TSFM: variants seen among roughly 807,000 people sequenced by gnomAD.
TSFM encodes Ts translation elongation factor, mitochondrial.
In TSFM, 29 loss-of-function variants were observed where a neutral mutation model predicts 33.4. The ratio of observed to expected loss-of-function variants is 0.87; its 90% CI spans 0.65 to 1.18. TSFM has a LOEUF of 1.18. Ranked by LOEUF, TSFM falls within the 50% of genes most tolerant of loss-of-function variation. The pLI, the probability that TSFM is intolerant of heterozygous loss-of-function variation, is 0.00. For synonymous variants in TSFM, 178 were observed against 163.5 expected, an observed-to-expected ratio of 1.09 and a Z score of -0.68; for missense variants, 394 against 395.6, an observed-to-expected ratio of 1.00 and a Z score of 0.04.
chr12:57,798,410 T>C (rs1381950950), downstream of TSFM, among the ~76,000 whole-genome samples: 2 of 152,208 alleles, frequency 1.3e-5, no homozygotes, highest in South Asian at 2.1e-4. Flanking sequence ...GTGGATCTTA[T>C]TGAGCATAAA....
chr12:57,794,753 A>C (rs1045308257), intron 5 of TSFM, among the ~76,000 whole-genome samples: 4 of 152,094 alleles, frequency 2.6e-5, no homozygotes, highest in African/African-American at 9.7e-5. Flanking sequence ...ACTATAGTTA[A>C]TGCTTTATTT....
chr12:57,783,037 T>C, intron 1 of TSFM, 73 bp from the exon 2 acceptor site: 1 of 1,544,624 alleles, frequency 6.5e-7, no homozygotes, highest in South Asian at 1.2e-5. Flanking sequence ...TAAGGTCGCT[T>C]CCCTGCCCGT....
intron 4 of TSFM, among the ~76,000 whole-genome samples, chr12:57,787,518 A>C (rs965252088): frequency 1.3e-5 from 2 of 152,190 alleles, no homozygotes; most frequent in Non-Finnish European, 2.9e-5. Flanking sequence ...TTGTCAGATG[A>C]ATGAATGAAT....
At chr12:57,800,709 G>A (rs149574165), downstream of TSFM, 93 of 155,212 alleles carry the variant, frequency 6.0e-4, 2 homozygotes, top group East Asian at 0.017. Context: ...CTGGGTTCAA[G>A]CAGTTCTCCT....
At chr12:57,795,608 T>C (rs1388431689) in intron 5 of TSFM, among the ~76,000 whole-genome samples, 4 of 152,028 alleles carry the variant, frequency 2.6e-5, no homozygotes, top group Admixed American at 1.3e-4. Flanking sequence ...ATACAACCTA[T>C]GTTTGTTGTT....
chr12:57,796,207 G>C lies in TSFM; in HGVS notation c.602G>C (p.Arg201Pro). The change falls in exon 6 of 6, where the codon CGA becomes CCA. Residue 201 changes from arginine (R) to proline (P), a missense_variant. Physicochemically the swap from Arg to Pro is moderately radical, Grantham distance 103. Transcript: ENST00000652027. ...GKLGENMILK[R>P]AAWVKVPSGF... is the part of the protein sequence containing the mutation. ...CTGGGAGAAAACATGATTCTTAAAC[G>C]AGCTGCATGGGTGAAGGTGCCATCT... 1.9e-6 allele frequency: 3 copies of C among 1,587,318 alleles called. No homozygotes were observed. Among genetic ancestry groups the C allele is most frequent in the Non-Finnish European group, 2.6e-6 (3 of 1,165,750 alleles).
At chr12:57,802,585 A>G (rs961375547), downstream of TSFM, 2 of 711,342 alleles carry the variant, frequency 2.8e-6, no homozygotes, top group Non-Finnish European at 5.1e-6. Flanking sequence ...GCTGTCTCTG[A>G]ACTTCAGCTT....
chr12:57,783,075 C>A, intron 1 of TSFM, 35 bp from the exon 2 acceptor site: 1 of 1,585,354 alleles, frequency 6.3e-7, no homozygotes, highest in Non-Finnish European at 8.6e-7. Context: ...GAGTTTGCTG[C>A]TTCCTGCTCC....
rs756167082 is a variant in TSFM, at chr12:57,783,246, A to G, written c.194A>G (p.Lys65Arg). 40 of 1,613,890 alleles carry G rather than the reference A, an allele frequency of 2.5e-5. No homozygotes were observed. In the Middle Eastern group the frequency reaches 9.9e-4, roughly 40 times the overall value. ...RKTGYSFVNC[K>R]KALETCGGDL... is the part of the protein sequence containing the mutation. ...ACAGGCTACTCCTTTGTAAATTGCA[A>G]GAAAGCTCTGGAGACTTGTGGCGGG... The change falls in exon 2 of 6, where the codon AAG becomes AGG. Residue 65 changes from lysine (K) to arginine (R), a missense_variant. Physicochemically the swap from Lys to Arg is conservative, Grantham distance 26 (BLOSUM62 2). Coordinates refer to ENST00000652027, the MANE Select transcript of TSFM (RefSeq NM_005726.6).
At position 57,782,853 on chromosome 12, in the gene TSFM, T is replaced by TATCCATTGGTCTTAGGC. The variant is rs1473046355; in HGVS notation, c.53_54insTCCATTGGTCTTAGGCA (p.Ala20LeufsTer38). The TATCCATTGGTCTTAGGC allele has an allele frequency of 6.3e-7, 1 of 1,593,788 alleles. No homozygotes were observed. Among genetic ancestry groups the TATCCATTGGTCTTAGGC allele is most frequent in the South Asian group, 1.1e-5 (1 of 87,744 alleles). ...GTTTCTGGTCGCGCGGACCGGGAGC[T>TATCCATTGGTCTTAGGC]ACCCGGTGAGAAGTCCTGGTGCTGG... On this transcript the variant is annotated frameshift_variant, in exon 1 of 6. Coordinates refer to ENST00000652027, the MANE Select transcript of TSFM (RefSeq NM_005726.6). LOFTEE classifies it high-confidence loss of function.
At chr12:57,802,068 T>G, downstream of TSFM, 1 of 1,417,586 alleles carries the variant, frequency 7.1e-7, no homozygotes, top group Non-Finnish European at 9.7e-7. Context: ...CTGGTTTCAC[T>G]GAGCCGTGAA....
At chr12:57,786,090 G>C in intron 2 of TSFM, 73 bp from the exon 3 acceptor site, 1 of 1,447,454 alleles carries the variant, frequency 6.9e-7, no homozygotes. Flanking sequence ...GGAAACCTGA[G>C]TATATCTTAG....
At chr12:57,786,747 GTGA>G (rs1308113864) in intron 3 of TSFM, among the ~76,000 whole-genome samples, 1 of 152,232 alleles carries the variant, frequency 6.6e-6, no homozygotes, top group Non-Finnish European at 1.5e-5. Context: ...GGAGAATGAG[GTGA>G]TGATGGTGTG....
Position 57,786,156 on chromosome 12 carries a change from T to A in TSFM, c.232-7T>A, listed in dbSNP as rs776412438. The stretch of plus-strand genomic sequence containing the variant: ...TGTTGTCTGCTCTTTTTCCTCTCAA[T>A]TTACAGGCAGAGATCTGGCTCCACA... On this transcript the variant is annotated splice_region_variant and splice_polypyrimidine_tract_variant and intron_variant, in intron 2 of 5. Coordinates refer to ENST00000652027, the MANE Select transcript of TSFM (RefSeq NM_005726.6). 2 of 1,599,724 alleles carry A rather than the reference T, an allele frequency of 1.3e-6. No individual in the cohort carries two copies. Among genetic ancestry groups the A allele is most frequent in the South Asian group, 2.3e-5 (2 of 88,792 alleles).
chr12:57,796,729 G>A lies in TSFM; in HGVS notation c.*146G>A, dbSNP rs1955746086. ...GTATAATAAAAATAATTTTTTCCTT[G>A]TTTGCGTAATACTGGATTTAGCTTT... On this transcript the variant is annotated 3_prime_UTR_variant, in exon 6 of 6. Coordinates refer to ENST00000652027, the MANE Select transcript of TSFM (RefSeq NM_005726.6). The A allele has an allele frequency of 1.6e-6, 2 of 1,237,692 alleles. No homozygotes were observed. The highest frequency in any genetic ancestry group is 2.0e-6 in the Non-Finnish European group (2 of 990,774). 76.7% of individuals were successfully genotyped at this position (1,237,692 alleles called of 1,614,324 possible).
downstream of TSFM, chr12:57,799,841 T>C: frequency 6.2e-7 from 1 of 1,614,102 alleles, no homozygotes; most frequent in Admixed American, 1.7e-5. Context: ...CTGATTCTGG[T>C]TTTTCAACAG....
At chr12:57,799,644 C>A, downstream of TSFM, 1 of 1,006,470 alleles carries the variant, frequency 9.9e-7, no homozygotes, top group Non-Finnish European at 1.5e-6. Flanking sequence ...AAGAAAGAAC[C>A]CTGGTTTTTT....
downstream of TSFM, chr12:57,802,055 G>A (rs940083337): frequency 6.8e-5 from 89 of 1,315,530 alleles, 1 homozygote; most frequent in Admixed American, 1.9e-3. Flanking sequence ...GGGAAATGAG[G>A]TCCTGGTTTC....
chr12:57,802,507 A>G (rs1223322323), downstream of TSFM: 3 of 869,088 alleles, frequency 3.5e-6, no homozygotes, highest in South Asian at 4.3e-5. Context: ...AGGTTTTCCC[A>G]GAATCAGCTT....
Sources: gnomAD v4.1 joint callset for allele counts (sites outside exome capture counted in the v4.1 genomes callset) on GRCh38, gnomAD v4.1.1 for gene constraint, MANE v1.5 for transcripts, NCBI Gene and HGNC (gene_info 2026-07-23, HGNC 2026-07-21) for gene names.